The following RBM7 variants were observed in gnomAD, a reference collection of about 807,000 sequenced individuals.
RBM7 encodes RNA-binding protein 7.
A neutral mutation model predicts 31.0 loss-of-function variants in RBM7; 13 were observed. That is an observed-to-expected ratio of 0.42 (90% confidence interval 0.27 to 0.67). RBM7 has a LOEUF of 0.67. Ranked by LOEUF, RBM7 falls within the 30% of genes least tolerant of loss-of-function variation. RBM7 has a pLI of 0.24. For missense variants in RBM7, 245 were observed against 326.2 expected (o/e 0.75, Z 1.92); for synonymous variants, 106 against 111.2 (o/e 0.95, Z 0.30).
At chr11:114,401,460 G>A (rs1946199244) in intron 1 of RBM7, among the ~76,000 whole-genome samples, 1 of 152,220 alleles carries the variant, frequency 6.6e-6, no homozygotes, top group Admixed American at 6.5e-5. Context: ...ACAGTGCTGT[G>A]AATTGCAAAA....
chr11:114,410,491 A>G lies in RBM7; in HGVS notation c.*2684A>G, dbSNP rs1264801744. The G allele has an allele frequency of 6.6e-6, 1 of 152,230 alleles. No individual in the cohort carries two copies. Among genetic ancestry groups the G allele is most frequent in the East Asian group, 1.9e-4 (1 of 5,196 alleles). 9.4% of individuals were successfully genotyped at this position (152,230 alleles called of 1,614,324 possible). A position where few individuals can be genotyped will look rare whatever the true frequency, so the allele number is the denominator to read the frequency against. The stretch of plus-strand genomic sequence containing the variant: ...GCAATTTTCTCAAGAGGATTATTCC[A>G]AGAACACCCTAATGTTTTCCTGCTT... On this transcript the variant is annotated 3_prime_UTR_variant, in exon 5 of 5. Coordinates refer to ENST00000375490, the MANE Select transcript of RBM7 (RefSeq NM_001286045.2).
Position 114,407,512 on chromosome 11 carries a change from G to T in RBM7, c.509G>T (p.Gly170Val). Residue 170 changes from glycine (G) to valine (V), a missense_variant, in exon 5 of 5, where the codon GGA becomes GTA. Gly to Val is a moderately radical substitution (Grantham distance 109). Coordinates refer to ENST00000375490, the MANE Select transcript of RBM7 (RefSeq NM_001286045.2). ...KFGSSPLDQSGFSPSVQSHSH... is the reference protein window; with the variant it reads ...KFGSSPLDQSVFSPSVQSHSH... ...GGTTCTTCACCTCTGGATCAATCAG[G>T]ATTTTCACCATCAGTTCAATCACAC... is the stretch of plus-strand genomic sequence containing the variant. 6.2e-7 allele frequency: 1 copy of T among 1,614,112 alleles called. No individual in the cohort carries two copies. The highest frequency in any genetic ancestry group is 1.1e-5 in the South Asian group (1 of 91,080).
intron 1 of RBM7, 111 bp downstream of exon 1, chr11:114,400,878 G>C (rs1946190125): frequency 8.1e-7 from 1 of 1,236,878 alleles, no homozygotes; most frequent in Non-Finnish European, 1.1e-6. Context: ...ACGGGTGGCT[G>C]TTTGGGGGTG....
rs762510397 is a variant in RBM7, at chr11:114,407,600, T to C, written c.597T>C (p.Arg199=). The change falls in exon 5 of 5, where the codon CGT becomes CGC. Residue 199 remains arginine, a synonymous_variant. Coordinates refer to ENST00000375490, the MANE Select transcript of RBM7 (RefSeq NM_001286045.2). ...GCCAAGGTACACCATCATCACAGCG[T>C]AAAGTCAGAATGAATTCTTATCCCT... ...QWRQGTPSSQ[R]KVRMNSYPYL... 2.5e-6 allele frequency: 4 copies of C among 1,614,112 alleles called. No individual in the cohort carries two copies. In the South Asian group the frequency reaches 4.4e-5, roughly 18 times the overall value.
intron 4 of RBM7, 104 bp from the exon 5 acceptor site, chr11:114,407,341 A>T: frequency 8.1e-7 from 1 of 1,227,832 alleles, no homozygotes; most frequent in Non-Finnish European, 1.1e-6. Flanking sequence ...GGATCCATCT[A>T]GGCAAGAGTG....
At chr11:114,402,980 C>A in intron 3 of RBM7, 65 bp downstream of exon 3, 1 of 1,269,908 alleles carries the variant, frequency 7.9e-7, no homozygotes, top group Non-Finnish European at 1.2e-6. Flanking sequence ...AGCCTCAAAA[C>A]ACATGAGTAA....
intron 3 of RBM7, among the ~76,000 whole-genome samples, chr11:114,404,175 G>C (rs1425399894): frequency 6.6e-6 from 1 of 152,196 alleles, no homozygotes; most frequent in African/African-American, 2.4e-5. Context: ...TTTAAGAGTT[G>C]TTTGGTTGCA....
chr11:114,401,114 T>C (rs1450290899), intron 1 of RBM7, among the ~76,000 whole-genome samples: 1 of 152,214 alleles, frequency 6.6e-6, no homozygotes, highest in Non-Finnish European at 1.5e-5. Context: ...GGATAATTTG[T>C]CTTTGGTTTA....
chr11:114,403,021 C>G, intron 3 of RBM7, 106 bp downstream of exon 3: 1 of 987,698 alleles, frequency 1.0e-6, no homozygotes, highest in Non-Finnish European at 1.6e-6. Context: ...CTTATCTCTT[C>G]ATTCTGCCGT....
chr11:114,404,578 G>A (rs991781842), intron 3 of RBM7, among the ~76,000 whole-genome samples: 1 of 151,890 alleles, frequency 6.6e-6, no homozygotes, highest in East Asian at 1.9e-4. Context: ...TGACCCATTC[G>A]TATAGTCCCA....
At position 114,407,597 on chromosome 11, in the gene RBM7, G is replaced by A. The variant is rs776387695; in HGVS notation, c.594G>A (p.Gln198=). The A allele has an allele frequency of 1.9e-6, 3 of 1,614,146 alleles. No individual in the cohort carries two copies. Among genetic ancestry groups the A allele is most frequent in the East Asian group, 4.5e-5 (2 of 44,880 alleles). ...GGCGCCAAGGTACACCATCATCACA[G>A]CGTAAAGTCAGAATGAATTCTTATC... ...SQWRQGTPSS[Q]RKVRMNSYPY... Residue 198 remains glutamine, a synonymous_variant, in exon 5 of 5, where the codon CAG becomes CAA. Transcript: ENST00000375490.
rs1367273434 is a variant in RBM7, at chr11:114,410,586, A to G, written c.*2779A>G. 6.6e-6 allele frequency: 1 copy of G among 152,240 alleles called. No individual in the cohort carries two copies. Among genetic ancestry groups the G allele is most frequent in the African/African-American group, 2.4e-5 (1 of 41,450 alleles). 9.4% of individuals were successfully genotyped at this position (152,240 alleles called of 1,614,324 possible). A position where few individuals can be genotyped will look rare whatever the true frequency, so the allele number is the denominator to read the frequency against. ...AGATGTAAATCTGTCACTCGCCTGA[A>G]TAAAGCTTCAGTGGCCTCTGACTTA... On this transcript the variant is annotated 3_prime_UTR_variant, in exon 5 of 5. Transcript: ENST00000375490.
At chr11:114,407,311 T>A in intron 4 of RBM7, 134 bp from the exon 5 acceptor site, 1 of 798,378 alleles carries the variant, frequency 1.3e-6, no homozygotes, top group Non-Finnish European at 2.0e-6. Flanking sequence ...TGATTGAAGC[T>A]ATTGTACTGC....
chr11:114,401,636 TAA>T, intron 1 of RBM7, 60 bp from the exon 2 acceptor site: 2 of 1,288,832 alleles, frequency 1.6e-6, no homozygotes, highest in South Asian at 3.5e-5. Context: ...ATCTTATTTG[TAA>T]AATTTGAGTA....
intron 2 of RBM7, 145 bp downstream of exon 2, chr11:114,402,005 C>A: frequency 4.1e-6 from 3 of 735,038 alleles, no homozygotes; most frequent in Non-Finnish European, 6.2e-6. Context: ...CTTTATATAT[C>A]CCTGAAAACG....
At chr11:114,406,863 C>T (rs1946272610) in intron 4 of RBM7, 2 of 152,350 alleles carry the variant, frequency 1.3e-5, no homozygotes, top group African/African-American at 4.8e-5. Context: ...AACCCCGTCT[C>T]TACTAAAAAT....
intron 1 of RBM7, among the ~76,000 whole-genome samples, chr11:114,401,077 A>T (rs1028069555): frequency 1.3e-5 from 2 of 152,082 alleles, no homozygotes; most frequent in Non-Finnish European, 2.9e-5. Context: ...GCTTTTTCTT[A>T]TCCTTCCTGT....
At chr11:114,403,571 C>T (rs1314444832) in intron 3 of RBM7, among the ~76,000 whole-genome samples, 2 of 152,096 alleles carry the variant, frequency 1.3e-5, no homozygotes, top group Admixed American at 1.3e-4. Flanking sequence ...ACAATTTTTC[C>T]CGGTATATCC....
chr11:114,404,412 G>A lies in RBM7; in HGVS notation c.348-1294G>A, dbSNP rs190826025. Among the ~76,000 whole-genome samples, 297 of 152,322 alleles carry A rather than the reference G, an allele frequency of 1.9e-3. 1 individual carries two copies. The highest frequency in any genetic ancestry group is 6.2e-3 in the African/African-American group (256 of 41,566). On this transcript the variant is annotated intron_variant, in intron 3 of 4. Coordinates refer to ENST00000375490, the MANE Select transcript of RBM7 (RefSeq NM_001286045.2). The stretch of plus-strand genomic sequence containing the variant: ...ACCCTCCCGGTGTTCTTTCTTGCCA[G>A]CTGAAATTAATTAACAGTGTTTAAA...
Sources: gnomAD v4.1 joint callset for allele counts (sites outside exome capture counted in the v4.1 genomes callset) on GRCh38, gnomAD v4.1.1 for gene constraint, MANE v1.5 for transcripts, NCBI Gene and HGNC (gene_info 2026-07-23, HGNC 2026-07-21) for gene names.